The following CACNA1C variants were observed in gnomAD, a reference collection of about 807,000 sequenced individuals.
CACNA1C encodes calcium voltage-gated channel subunit alpha1 C.
In CACNA1C, 30 loss-of-function variants were observed where a neutral mutation model predicts 229.0. That is an observed-to-expected ratio of 0.13 (90% CI 0.10 to 0.18). The LOEUF is 0.18. Ranked by LOEUF, CACNA1C falls within the 10% of genes least tolerant of loss-of-function variation. CACNA1C has a pLI of 1.00. For synonymous variants in CACNA1C, 1,114 were observed against 1,132.5 expected (o/e 0.98, Z 0.33); for missense variants, 1,658 against 2,845.0 (o/e 0.58, Z 9.49).
In CACNA1C at chr12:2,410,304, C is replaced by T. The variant is rs1399706418; in HGVS notation, c.478-38672C>T. Among the ~76,000 whole-genome samples the T allele has an allele frequency of 6.6e-6, 1 of 152,180 alleles. No individual in the cohort carries two copies. Among genetic ancestry groups the T allele is most frequent in the Non-Finnish European group, 1.5e-5 (1 of 68,026 alleles). On this transcript the variant is annotated intron_variant, in intron 3 of 46. Coordinates refer to ENST00000399655, the MANE Select transcript of CACNA1C (RefSeq NM_000719.7). The surrounding 1 kb of genome is among the most constrained non-coding windows in gnomAD (Gnocchi z 5.3). Reference sequence around the variant, plus strand: ...GCCCCACCACCCATTTTTGGAAACACAACCCTGGCCTCCCATTCACAGCAG... The same window carrying T: ...GCCCCACCACCCATTTTTGGAAACATAACCCTGGCCTCCCATTCACAGCAG...
chr12:2,674,437 G>A lies in CACNA1C; in HGVS notation c.4727-104G>A, dbSNP rs760534231. On this transcript the variant is annotated intron_variant, in intron 38 of 46. Transcript: ENST00000399655. ...GCAAGAAAGAAACTGATGAGTCAGGGTTGCGTGGGGCAGATGCCACCATCT... is the reference window on the plus strand; with the variant it reads ...GCAAGAAAGAAACTGATGAGTCAGGATTGCGTGGGGCAGATGCCACCATCT... The A allele has an allele frequency of 3.4e-6, 5 of 1,463,552 alleles. No individual in the cohort carries two copies. In the South Asian group the frequency reaches 6.9e-5, roughly 20 times the overall value. The allele number at this position is 1,463,552 out of a possible 1,614,324, so 90.7% of individuals were successfully genotyped here. A position where few individuals can be genotyped will look rare whatever the true frequency, so the allele number is the denominator to read the frequency against.
chr12:2,115,116 G>A, intron 1 of CACNA1C, 108 bp from the exon 2 acceptor site: 1 of 871,748 alleles, frequency 1.1e-6, no homozygotes, highest in East Asian at 2.7e-5. Context: ...GCCTGCAATA[G>A]CTTGAAATAA....
intron 1 of CACNA1C, among the ~76,000 whole-genome samples, chr12:1,988,371 A>C (rs1046607443): frequency 6.6e-6 from 1 of 152,244 alleles, no homozygotes; most frequent in African/African-American, 2.4e-5. Flanking sequence ...GAAGTGATAC[A>C]TATCACTTTC....
Position 2,285,196 on chromosome 12 carries a change from C to T in CACNA1C, c.478-163780C>T, listed in dbSNP as rs556774980. Among the ~76,000 whole-genome samples the T allele has an allele frequency of 6.6e-6, 1 of 152,306 alleles. No homozygotes were observed. Among genetic ancestry groups the T allele is most frequent in the South Asian group, 2.1e-4 (1 of 4,826 alleles). On this transcript the variant is annotated intron_variant, in intron 3 of 46. Coordinates refer to ENST00000399655, the MANE Select transcript of CACNA1C (RefSeq NM_000719.7). This position sits in a 1 kb window ranked among gnomAD's most constrained non-coding sequence, Gnocchi z 4.2. ...TGTTACCTAGCAGGAATTTCCTCTT[C>T]CTTGGGTCAAGCGGGTGGGAAGGGC...
At chr12:2,073,879 G>A (rs2091230608) in intron 1 of CACNA1C, among the ~76,000 whole-genome samples, 1 of 152,150 alleles carries the variant, frequency 6.6e-6, no homozygotes, top group South Asian at 2.1e-4. Context: ...ATCCTGTGTG[G>A]ATCCAGGACT....
At chr12:2,257,725 C>T (rs780182958) in intron 3 of CACNA1C, among the ~76,000 whole-genome samples, 4 of 152,240 alleles carry the variant, frequency 2.6e-5, no homozygotes, top group African/African-American at 4.8e-5. Context: ...CCTCCAGATT[C>T]TCCCAGGTTC....
At chr12:2,086,061 C>G (rs1270049990) in intron 1 of CACNA1C, among the ~76,000 whole-genome samples, 1 of 152,178 alleles carries the variant, frequency 6.6e-6, no homozygotes, top group African/African-American at 2.4e-5. Flanking sequence ...GTTGGGCATC[C>G]CTTTTCAGCA....
chr12:2,357,405 C>G (rs542206367), intron 3 of CACNA1C, among the ~76,000 whole-genome samples: 2 of 152,240 alleles, frequency 1.3e-5, no homozygotes, highest in South Asian at 2.1e-4. Context: ...AAAGATGTAT[C>G]TAATTTGGGG....
intron 3 of CACNA1C, among the ~76,000 whole-genome samples, chr12:2,375,902 C>T (rs2154543388): frequency 1.3e-5 from 2 of 152,314 alleles, no homozygotes; most frequent in South Asian, 4.1e-4. Context: ...TCTTCCTTCC[C>T]TGGGATGAAA....
intron 9 of CACNA1C, among the ~76,000 whole-genome samples, chr12:2,538,401 T>C (rs1203497026): frequency 6.6e-6 from 1 of 152,184 alleles, no homozygotes; most frequent in East Asian, 1.9e-4. Flanking sequence ...CTCTGTGACC[T>C]TTCCACCCAG....
In CACNA1C at chr12:2,686,197, G is replaced by A; in HGVS notation, c.5712G>A (p.Leu1904=). Residue 1904 remains leucine (L), a synonymous_variant, in exon 45 of 47, where the codon CTG becomes CTA. Coordinates refer to ENST00000399655, the MANE Select transcript of CACNA1C (RefSeq NM_000719.7). ...GRRASFHLEC[L]KRQKDRGGDI... The stretch of plus-strand genomic sequence containing the variant: ...GGGCCTCCTTCCACCTGGAATGTCT[G>A]AAGCGACAGAAGGACCGAGGGGGAG... The A allele has an allele frequency of 6.2e-7, 1 of 1,613,970 alleles. No individual in the cohort carries two copies. The highest frequency in any genetic ancestry group is 8.5e-7 in the Non-Finnish European group (1 of 1,179,880).
At chr12:1,975,241 TCTA>T (rs1211346362) in intron 1 of CACNA1C, among the ~76,000 whole-genome samples, 1 of 152,156 alleles carries the variant, frequency 6.6e-6, no homozygotes, top group African/African-American at 2.4e-5. Context: ...GTGTTTTGGT[TCTA>T]CTATGAAATA....
At chr12:1,993,267 T>A (rs1363658903) in intron 1 of CACNA1C, 1 of 1,614,036 alleles carries the variant, frequency 6.2e-7, no homozygotes, top group Non-Finnish European at 8.5e-7. Flanking sequence ...GACTCACATC[T>A]GGCATTTCTG....
At chr12:2,125,883 T>C (rs1026930106) in intron 3 of CACNA1C, among the ~76,000 whole-genome samples, 2 of 152,324 alleles carry the variant, frequency 1.3e-5, no homozygotes, top group South Asian at 2.1e-4. Flanking sequence ...TCCCACTCCA[T>C]TGGGTTCAAG....
intron 3 of CACNA1C, among the ~76,000 whole-genome samples, chr12:2,255,451 A>G (rs918665868): frequency 6.6e-6 from 1 of 152,042 alleles, no homozygotes; most frequent in Non-Finnish European, 1.5e-5. Context: ...GCAAGAAGGA[A>G]GAGATGTCTG....
intron 9 of CACNA1C, among the ~76,000 whole-genome samples, chr12:2,531,133 A>G (rs1250596453): frequency 6.6e-6 from 1 of 152,182 alleles, no homozygotes; most frequent in Non-Finnish European, 1.5e-5. Context: ...CTTTGCCCTC[A>G]CTTCACATTT....
intron 3 of CACNA1C, among the ~76,000 whole-genome samples, chr12:2,176,199 GAGA>G (rs1213995747): frequency 4.6e-5 from 7 of 152,124 alleles, no homozygotes; most frequent in Admixed American, 1.3e-4. Flanking sequence ...GCAAACTCTT[GAGA>G]AGGTGAGAAA....
intron 1 of CACNA1C, among the ~76,000 whole-genome samples, chr12:2,072,158 A>G (rs1165235712): frequency 7.3e-5 from 11 of 151,568 alleles, no homozygotes; most frequent in African/African-American, 2.4e-4. Context: ...CTTCAAATGT[A>G]TGCAACAAGA....
At chr12:2,177,056 G>A (rs1598195005) in intron 3 of CACNA1C, among the ~76,000 whole-genome samples, 1 of 152,166 alleles carries the variant, frequency 6.6e-6, no homozygotes, top group Non-Finnish European at 1.5e-5. Context: ...GAGCAACAGG[G>A]CACCTTTTCC....
Sources: gnomAD v4.1 joint callset for allele counts (sites outside exome capture counted in the v4.1 genomes callset) on GRCh38, gnomAD v4.1.1 for gene constraint, Gnocchi (gnomAD v3.1) non-coding constraint, MANE v1.5 for transcripts, NCBI Gene and HGNC (gene_info 2026-07-23, HGNC 2026-07-21) for gene names.